Variants in KCNK10 observed in about 807,000 individuals in gnomAD.
The protein encoded by KCNK10 is potassium two pore domain channel subfamily K member 10, also known as potassium channel subfamily K member 10.
A neutral mutation model predicts 47.7 loss-of-function variants in KCNK10; 25 were observed. That is an observed-to-expected ratio of 0.52 (90% confidence interval 0.38 to 0.73). The LOEUF (loss-of-function observed/expected upper bound fraction) is 0.73, where lower values mean the gene tolerates loss of function less well. Ranked by LOEUF, KCNK10 falls within the 30% of genes least tolerant of loss-of-function variation. KCNK10 has a pLI of 0.00. For missense variants in KCNK10, 563 were observed against 714.5 expected (o/e 0.79, Z 2.42); for synonymous variants, 303 against 285.6 (o/e 1.06, Z -0.61).
rs1348379470 is a variant in KCNK10 at position 88,186,088 on chromosome 14, C to T, written c.1079G>A (p.Arg360Gln). The change falls in exon 7 of 7, where the codon CGG (arginine) becomes CAG (glutamine). Residue 360 changes from arginine (R) to glutamine (Q), a missense_variant. Coordinates refer to ENST00000319231, the MANE Select transcript of KCNK10 (RefSeq NM_138317.3). This position sits in a 1 kb window ranked among gnomAD's most constrained non-coding sequence, Gnocchi z 5.5. ...GTGGATCTCCACGCTGAGCCTTCGCCGTGTCTCCCGGAACTCAGCCGTGAC... is the reference window on the plus strand; with the variant it reads ...GTGGATCTCCACGCTGAGCCTTCGCTGTGTCTCCCGGAACTCAGCCGTGAC... Reference protein sequence around the residue: ...ANVTAEFRETRRRLSVEIHDK... With the variant: ...ANVTAEFRETQRRLSVEIHDK... 7 of 1,611,284 alleles carry T rather than the reference C, an allele frequency of 4.3e-6. No individual in the cohort carries two copies. The highest frequency in any genetic ancestry group is 5.9e-6 in the Non-Finnish European group (7 of 1,179,510).
intron 5 of KCNK10, among the ~76,000 whole-genome samples, chr14:88,191,541 G>C (rs1168811522): frequency 1.3e-5 from 2 of 152,146 alleles, no homozygotes; most frequent in African/African-American, 4.8e-5. Context: ...GGAAACTGGT[G>C]CACATATGAA....
intron 1 of KCNK10, among the ~76,000 whole-genome samples, chr14:88,268,053 G>A (rs560151634): frequency 6.6e-6 from 1 of 152,328 alleles, no homozygotes; most frequent in East Asian, 1.9e-4. Context: ...ACGCATGTGT[G>A]AGAGAAAATG....
chr14:88,246,034 A>T (rs892179006), intron 2 of KCNK10, among the ~76,000 whole-genome samples: 7 of 152,170 alleles, frequency 4.6e-5, no homozygotes, highest in African/African-American at 1.7e-4. Flanking sequence ...TTGAGGCAGG[A>T]TGAGGGCATG....
chr14:88,199,113 T>C (rs1419978571), intron 4 of KCNK10, among the ~76,000 whole-genome samples: 1 of 151,828 alleles, frequency 6.6e-6, no homozygotes, highest in Non-Finnish European at 1.5e-5. Context: ...AGAGATGGGG[T>C]TTCGCCATGT....
intron 1 of KCNK10, among the ~76,000 whole-genome samples, chr14:88,265,337 AG>A (rs1887223358): frequency 6.6e-6 from 1 of 152,068 alleles, no homozygotes; most frequent in African/African-American, 2.4e-5. Context: ...AGGAAGCAGG[AG>A]GGCCAGAGAG....
At chr14:88,314,820 T>C (rs1379429687) in intron 1 of KCNK10, among the ~76,000 whole-genome samples, 1 of 152,254 alleles carries the variant, frequency 6.6e-6, no homozygotes, top group Non-Finnish European at 1.5e-5. Context: ...GAGCTTTGCA[T>C]GTATCACTTT....
intron 4 of KCNK10, among the ~76,000 whole-genome samples, chr14:88,209,451 G>A (rs772619444): frequency 6.6e-6 from 1 of 152,218 alleles, no homozygotes; most frequent in Non-Finnish European, 1.5e-5. Context: ...CCTCCTTCAC[G>A]CAGACCGAAT....
chr14:88,186,087 C>T lies in KCNK10; in HGVS notation c.1080G>A (p.Arg360=). ...ANVTAEFRET[R]RRLSVEIHDK... ...CGTGGATCTCCACGCTGAGCCTTCGCCGTGTCTCCCGGAACTCAGCCGTGA... is the reference window on the plus strand; with the variant it reads ...CGTGGATCTCCACGCTGAGCCTTCGTCGTGTCTCCCGGAACTCAGCCGTGA... Residue 360 remains arginine, a synonymous_variant, in exon 7 of 7, where the codon CGG becomes CGA. Transcript: ENST00000319231. This position sits in a 1 kb window ranked among gnomAD's most constrained non-coding sequence, Gnocchi z 5.5. 2 of 1,611,406 alleles carry T rather than the reference C, an allele frequency of 1.2e-6. No homozygotes were observed. Among genetic ancestry groups the T allele is most frequent in the South Asian group, 1.1e-5 (1 of 90,864 alleles).
intron 1 of KCNK10, among the ~76,000 whole-genome samples, chr14:88,306,459 A>C (rs1471320862): frequency 6.6e-5 from 10 of 152,188 alleles, no homozygotes; most frequent in Non-Finnish European, 1.3e-4. Flanking sequence ...GACAAAAGTA[A>C]TTTTGGGGAA....
At chr14:88,225,232 T>C (rs940803490) in intron 4 of KCNK10, among the ~76,000 whole-genome samples, 2 of 152,258 alleles carry the variant, frequency 1.3e-5, no homozygotes, top group African/African-American at 4.8e-5. Context: ...TTAGGAAGTG[T>C]GCTTACATTC....
chr14:88,312,869 C>T (rs1023409369), intron 1 of KCNK10, among the ~76,000 whole-genome samples: 1 of 152,168 alleles, frequency 6.6e-6, no homozygotes, highest in Admixed American at 6.5e-5. Context: ...TCATATTATA[C>T]ATAAATCATC....
rs930029919 is a variant in KCNK10 at position 88,181,938 on chromosome 14, A to G, written c.*3597T>C. ...AGGTAACAAGAGATCTAGGCAGAGA[A>G]CTGATGCACCCACAATCACAGGCTA... On this transcript the variant is annotated 3_prime_UTR_variant, in exon 7 of 7. Transcript: ENST00000319231. 6.6e-6 allele frequency: 1 copy of G among 152,078 alleles called. No individual in the cohort carries two copies. The highest frequency in any genetic ancestry group is 2.4e-5 in the African/African-American group (1 of 41,346). 9.4% of individuals were successfully genotyped at this position (152,078 alleles called of 1,614,324 possible).
intron 1 of KCNK10, among the ~76,000 whole-genome samples, chr14:88,276,026 C>A (rs143410941): frequency 1.3e-5 from 2 of 152,198 alleles, no homozygotes; most frequent in Admixed American, 1.3e-4. Flanking sequence ...ACAGCCCCAA[C>A]AGCTCCACTA....
At chr14:88,247,801 C>CT (rs1331121343) in intron 2 of KCNK10, among the ~76,000 whole-genome samples, 1 of 152,198 alleles carries the variant, frequency 6.6e-6, no homozygotes, top group Non-Finnish European at 1.5e-5. Flanking sequence ...AACGACTAAT[C>CT]TATCTAAATA....
At chr14:88,306,362 T>C (rs1888202228) in intron 1 of KCNK10, among the ~76,000 whole-genome samples, 1 of 152,216 alleles carries the variant, frequency 6.6e-6, no homozygotes, top group Non-Finnish European at 1.5e-5. Flanking sequence ...CCTCCTTCTT[T>C]GGTAGAAGCA....
chr14:88,270,097 C>G (rs896398877), intron 1 of KCNK10, among the ~76,000 whole-genome samples: 4 of 152,154 alleles, frequency 2.6e-5, no homozygotes, highest in African/African-American at 9.7e-5. Context: ...TCACCTCCCC[C>G]CTCCCCGCAG....
chr14:88,267,099 T>TTTGC (rs1226974590), intron 1 of KCNK10, among the ~76,000 whole-genome samples: 2 of 152,210 alleles, frequency 1.3e-5, no homozygotes, highest in African/African-American at 4.8e-5. Context: ...AGTTTCTCTG[T>TTTGC]TTGCTTACTG....
At chr14:88,276,588 CACCCA>C (rs1887532618) in intron 1 of KCNK10, among the ~76,000 whole-genome samples, 1 of 152,214 alleles carries the variant, frequency 6.6e-6, no homozygotes, top group South Asian at 2.1e-4. Context: ...TTCTCTTCTC[CACCCA>C]ACTTGGATCC....
At chr14:88,246,633 C>T (rs536157625) in intron 2 of KCNK10, among the ~76,000 whole-genome samples, 1 of 152,318 alleles carries the variant, frequency 6.6e-6, no homozygotes, top group Non-Finnish European at 1.5e-5. Context: ...GAGAGGATTT[C>T]TGGGGCCACA....
Sources: allele counts gnomAD v4.1 joint callset (sites outside exome capture counted in the v4.1 genomes callset), GRCh38; gene constraint gnomAD v4.1.1; non-coding constraint Gnocchi (gnomAD v3.1); transcripts MANE v1.5; gene names NCBI Gene and HGNC (gene_info 2026-07-23, HGNC 2026-07-21).